The following ANOS1 variants were observed in gnomAD, a reference collection of about 807,000 sequenced individuals.
The protein encoded by ANOS1 is anosmin 1, also known as anosmin-1.
In ANOS1, 6 loss-of-function variants were observed where a neutral mutation model predicts 59.0. The ratio of observed to expected loss-of-function variants is 0.10; its 90% CI spans 0.06 to 0.20. ANOS1 has a LOEUF of 0.20. Ranked by LOEUF, ANOS1 falls within the 10% of genes least tolerant of loss-of-function variation. ANOS1 has a pLI of 1.00. For synonymous variants in ANOS1, 217 were observed against 223.4 expected (o/e 0.97, Z 0.25); for missense variants, 433 against 542.3 (o/e 0.80, Z 2.00).
chrX:8,596,986 T>C, intron 4 of ANOS1, 48 bp downstream of exon 4: 1 of 1,209,009 alleles, frequency 8.3e-7, no homozygotes, highest in Non-Finnish European at 1.1e-6. Context: ...CACACACAGA[T>C]ATATGTGACA....
intron 3 of ANOS1, among the ~76,000 whole-genome samples, chrX:8,610,006 C>CAAAAAAAAAAAAAA (rs1167209336): frequency 8.7e-4 from 8 of 9,157 alleles, no homozygotes; most frequent in African/African-American, 1.1e-3. Context: ...GACTCCATCT[C>CAAAAAAAAAAAAAA]AAAAAAAAAA....
chrX:8,544,969 G>A (rs1265362820), intron 9 of ANOS1, among the ~76,000 whole-genome samples: 1 of 100,047 alleles, frequency 1.0e-5, no homozygotes, highest in African/African-American at 3.7e-5. Flanking sequence ...GGGAGGCTGA[G>A]ACAGGAGAAT....
chrX:8,612,436 T>C (rs924776551), intron 3 of ANOS1, among the ~76,000 whole-genome samples: 4 of 109,364 alleles, frequency 3.7e-5, no homozygotes, highest in South Asian at 7.6e-4. Flanking sequence ...CAATAAGAAA[T>C]TATATAAAGA....
intron 9 of ANOS1, among the ~76,000 whole-genome samples, chrX:8,545,153 T>C (rs916193483): frequency 1.3e-4 from 13 of 102,821 alleles, no homozygotes; most frequent in African/African-American, 4.7e-4. Flanking sequence ...CTTGTGAGGC[T>C]GAGGCAGGAG....
intron 2 of ANOS1, among the ~76,000 whole-genome samples, chrX:8,697,257 CA>C (rs1222329236): frequency 9.0e-6 from 1 of 111,323 alleles, no homozygotes; most frequent in Non-Finnish European, 1.9e-5. Flanking sequence ...AACCAACAAA[CA>C]ACAAAAACAA....
Position 8,662,336 on chromosome X carries a change from CA to C in ANOS1, c.255+37361del, listed in dbSNP as rs772927311. On this transcript the variant is annotated intron_variant, in intron 2 of 13. Coordinates refer to ENST00000262648, the MANE Select transcript of ANOS1 (RefSeq NM_000216.4). ...CACTGTCTTCAGATTCTTAATTTTT[CA>C]AAGGGGCCTTGCATTCTCATTTTTC... 5.6e-3 allele frequency among the ~76,000 whole-genome samples: 628 copies of C among 112,063 alleles called. 9 individuals are homozygous for C. Among genetic ancestry groups the C allele is most frequent in the African/African-American group, 0.02 (610 of 30,848 alleles).
chrX:8,533,164 A>G (rs1929528982), intron 13 of ANOS1, 111 bp from the exon 14 acceptor site: 1 of 518,806 alleles, frequency 1.9e-6, no homozygotes, highest in Non-Finnish European at 3.4e-6. Flanking sequence ...GTTCCTTCCT[A>G]TGACCATGTC....
At chrX:8,597,635 T>C (rs1930764300) in intron 3 of ANOS1, among the ~76,000 whole-genome samples, 1 of 100,793 alleles carries the variant, frequency 9.9e-6, no homozygotes, top group African/African-American at 3.5e-5. Context: ...AACACATCAC[T>C]CTCTTTAATT....
At position 8,654,158 on chromosome X, in the gene ANOS1, C is replaced by A. The variant is rs1477837755; in HGVS notation, c.256-30488G>T. 2.7e-5 allele frequency among the ~76,000 whole-genome samples: 3 copies of A among 111,810 alleles called. No individual in the cohort carries two copies. In the Admixed American group the frequency reaches 2.9e-4, roughly 11 times the overall value. Reference sequence around the variant, plus strand: ...TGACACTGCCTTCGTTAAACCTGTTCCCCTGGTTCTTGAAGCCAAATTTGG... The same window carrying A: ...TGACACTGCCTTCGTTAAACCTGTTACCCTGGTTCTTGAAGCCAAATTTGG... On this transcript the variant is annotated intron_variant, in intron 2 of 13. Coordinates refer to ENST00000262648, the MANE Select transcript of ANOS1 (RefSeq NM_000216.4).
At chrX:8,559,250 T>C (rs772149655) in intron 8 of ANOS1, among the ~76,000 whole-genome samples, 3 of 112,257 alleles carry the variant, frequency 2.7e-5, no homozygotes, top group South Asian at 7.5e-4. Context: ...ACTGGTGCCA[T>C]GTGACGTGGT....
At chrX:8,658,479 G>T (rs1931969884) in intron 2 of ANOS1, among the ~76,000 whole-genome samples, 2 of 111,904 alleles carry the variant, frequency 1.8e-5, no homozygotes, top group Non-Finnish European at 3.8e-5. Flanking sequence ...GGACTCATCT[G>T]TTTTTTAACC....
chrX:8,712,405 G>C (rs1207042627), intron 1 of ANOS1, among the ~76,000 whole-genome samples: 1 of 112,082 alleles, frequency 8.9e-6, no homozygotes, highest in Non-Finnish European at 1.9e-5. Flanking sequence ...AGGAACTGGG[G>C]GTTAGGACAT....
chrX:8,649,306 C>T (rs1051454258), intron 2 of ANOS1, among the ~76,000 whole-genome samples: 3 of 111,885 alleles, frequency 2.7e-5, no homozygotes, highest in African/African-American at 9.8e-5. Flanking sequence ...CGAGAAGAGT[C>T]CCATTTTTAC....
At position 8,566,858 on chromosome X, in the gene ANOS1, A is replaced by C. The variant is rs147029375; in HGVS notation, c.1207+1374T>G. 4.4e-3 allele frequency among the ~76,000 whole-genome samples: 491 copies of C among 111,773 alleles called. 1 individual carries two copies. The highest frequency in any genetic ancestry group is 0.015 in the African/African-American group (470 of 30,736). On this transcript the variant is annotated intron_variant, in intron 8 of 13. Transcript: ENST00000262648. Reference sequence around the variant, plus strand: ...TTCCCAGGGGTGGAAGGTAATTATGAGCAACCCCTGTGTCTCACTCTGCAG... The same window carrying C: ...TTCCCAGGGGTGGAAGGTAATTATGCGCAACCCCTGTGTCTCACTCTGCAG...
intron 3 of ANOS1, among the ~76,000 whole-genome samples, chrX:8,610,033 A>AAAAAAAAAAAAC (rs1287806402): frequency 1.2e-5 from 1 of 82,705 alleles, no homozygotes; most frequent in African/African-American, 4.9e-5. Context: ...AAAAAAAAAA[A>AAAAAAAAAAAAC]AACAACAACC....
intron 8 of ANOS1, 137 bp downstream of exon 8, chrX:8,568,095 G>T: frequency 1.7e-6 from 1 of 603,772 alleles, no homozygotes; most frequent in Non-Finnish European, 2.7e-6. Context: ...AAATACTTTA[G>T]TCACATGCAT....
At chrX:8,698,701 A>C (rs1184252994) in intron 2 of ANOS1, among the ~76,000 whole-genome samples, 2 of 111,874 alleles carry the variant, frequency 1.8e-5, no homozygotes, top group African/African-American at 6.5e-5. Context: ...GCTTATCTTC[A>C]TCAAATTATT....
chrX:8,729,712 T>TAAAAAAAAAAAAAAAAA (rs1173021674), intron 1 of ANOS1, among the ~76,000 whole-genome samples: 3 of 63,070 alleles, frequency 4.8e-5, no homozygotes, highest in African/African-American at 1.8e-4. Flanking sequence ...TTCTAATTAT[T>TAAAAAAAAAAAAAAAAA]AAAAAAAAAA....
At chrX:8,590,930 T>C (rs1254015567) in intron 4 of ANOS1, among the ~76,000 whole-genome samples, 1 of 112,031 alleles carries the variant, frequency 8.9e-6, no homozygotes, top group Non-Finnish European at 1.9e-5. Flanking sequence ...ATGGTCTTAT[T>C]ACTCACATGT....
Sources: allele counts gnomAD v4.1 joint callset (sites outside exome capture counted in the v4.1 genomes callset), GRCh38; gene constraint gnomAD v4.1.1; transcripts MANE v1.5; gene names NCBI Gene and HGNC (gene_info 2026-07-23, HGNC 2026-07-21).